OPCML: variants seen among roughly 807,000 people sequenced by gnomAD.
The protein encoded by OPCML is opioid-binding protein/cell adhesion molecule.
Under a neutral mutation model 37.8 loss-of-function variants are expected in OPCML, and 13 were observed. That is an observed-to-expected ratio of 0.34 (90% confidence interval 0.22 to 0.55). OPCML has a LOEUF of 0.55. OPCML is among the 20% of genes least tolerant of loss of function. The pLI is 0.91. For synonymous variants in OPCML, 176 were observed against 168.8 expected, an observed-to-expected ratio of 1.04 and a Z score of -0.33; for missense variants, 341 against 435.6, an observed-to-expected ratio of 0.78 and a Z score of 1.93.
At chr11:133,034,296 T>C (rs1285768824) in intron 1 of OPCML, among the ~76,000 whole-genome samples, 1 of 130,032 alleles carries the variant, frequency 7.7e-6, no homozygotes, top group Non-Finnish European at 1.6e-5. Flanking sequence ...GAAGAGTAGC[T>C]CTGTATGTAT....
intron 3 of OPCML, among the ~76,000 whole-genome samples, chr11:132,570,804 T>TAGAGAGAGAGAGAGAGAGAGAGAGAGAG (rs1203341702): frequency 5.5e-5 from 5 of 90,758 alleles, no homozygotes; most frequent in African/African-American, 1.5e-4. Context: ...TATATATATT[T>TAGAGAGAGAGAGAGAGAGAGAGAGAGAG]AGAGAGAGAG....
intron 1 of OPCML, among the ~76,000 whole-genome samples, chr11:133,060,555 C>A (rs1948322730): frequency 1.3e-5 from 2 of 152,188 alleles, no homozygotes; most frequent in East Asian, 1.9e-4. Flanking sequence ...TAGGTGCAGG[C>A]AGGGTGTGGA....
intron 1 of OPCML, among the ~76,000 whole-genome samples, chr11:133,239,659 C>T (rs115198774): frequency 5.9e-5 from 9 of 152,318 alleles, no homozygotes; most frequent in East Asian, 1.9e-4. Context: ...AGCCATGGCG[C>T]GGTGTGACAT....
chr11:132,596,799 G>A (rs985297652), intron 3 of OPCML, among the ~76,000 whole-genome samples: 15 of 152,172 alleles, frequency 9.9e-5, no homozygotes, highest in African/African-American at 3.6e-4. Context: ...AGAGCAAAAT[G>A]GAGCCACAGG....
chr11:133,117,593 C>G (rs1213692998), intron 1 of OPCML, among the ~76,000 whole-genome samples: 1 of 152,088 alleles, frequency 6.6e-6, no homozygotes, highest in African/African-American at 2.4e-5. Context: ...AAGTATTTAC[C>G]TAGCTGAATT....
intron 7 of OPCML, among the ~76,000 whole-genome samples, chr11:132,423,219 A>G (rs2095966168): frequency 6.6e-6 from 1 of 152,164 alleles, no homozygotes; most frequent in Non-Finnish European, 1.5e-5. Context: ...CCCATTTTCT[A>G]TGTGGCTTCA....
At chr11:133,110,192 T>C (rs1174147313) in intron 1 of OPCML, among the ~76,000 whole-genome samples, 1 of 152,164 alleles carries the variant, frequency 6.6e-6, no homozygotes, top group African/African-American at 2.4e-5. Context: ...TCAAAAGACA[T>C]GGATAAAATA....
At chr11:133,449,653 C>A (rs1946540116) in intron 1 of OPCML, among the ~76,000 whole-genome samples, 1 of 148,544 alleles carries the variant, frequency 6.7e-6, no homozygotes, top group Admixed American at 6.6e-5. Context: ...CAGTCTCTAT[C>A]TTCATCTTCA....
At chr11:133,242,315 G>T (rs981365445) in intron 1 of OPCML, among the ~76,000 whole-genome samples, 1 of 152,170 alleles carries the variant, frequency 6.6e-6, no homozygotes, top group Admixed American at 6.5e-5. Context: ...AAGTGTCTTT[G>T]GTGTGGTTTT....
chr11:133,528,041 T>A (rs995774061), intron 1 of OPCML, among the ~76,000 whole-genome samples: 1 of 152,188 alleles, frequency 6.6e-6, no homozygotes, highest in African/African-American at 2.4e-5. Context: ...TTCTGTAATT[T>A]TCTAGGTTAC....
At chr11:132,686,505 T>G in intron 2 of OPCML, among the ~76,000 whole-genome samples, 1 of 152,174 alleles carries the variant, frequency 6.6e-6, no homozygotes, top group Non-Finnish European at 1.5e-5. Flanking sequence ...TCAAATCCCT[T>G]CTTCTCATGT....
chr11:132,908,282 T>C (rs1944311194), intron 2 of OPCML, among the ~76,000 whole-genome samples: 2 of 145,540 alleles, frequency 1.4e-5, no homozygotes, highest in Non-Finnish European at 3.0e-5. Context: ...ATAAGGTCTC[T>C]CTCTCTCACA....
chr11:132,872,564 A>G (rs1433523746), intron 2 of OPCML, among the ~76,000 whole-genome samples: 1 of 152,164 alleles, frequency 6.6e-6, no homozygotes, highest in Non-Finnish European at 1.5e-5. Context: ...TACGGAACCC[A>G]TGAGGCAGCC....
At chr11:132,460,939 T>C (rs533062641) in intron 4 of OPCML, among the ~76,000 whole-genome samples, 16 of 152,310 alleles carry the variant, frequency 1.1e-4, no homozygotes, top group African/African-American at 3.6e-4. Flanking sequence ...TTTCATATGA[T>C]GGATAAACAA....
chr11:133,289,697 T>C (rs2136534641), intron 1 of OPCML, among the ~76,000 whole-genome samples: 1 of 152,282 alleles, frequency 6.6e-6, no homozygotes, highest in East Asian at 1.9e-4. Context: ...TTATTCACTG[T>C]TAAGGAAAAG....
At chr11:133,135,959 G>A (rs1949683232) in intron 1 of OPCML, among the ~76,000 whole-genome samples, 1 of 152,096 alleles carries the variant, frequency 6.6e-6, no homozygotes, top group Non-Finnish European at 1.5e-5. Context: ...ACTCCACTGT[G>A]GGACAAAAAA....
rs543773703 is a variant in OPCML, at chr11:132,971,163, A to C, written c.62-28153T>G. On this transcript the variant is annotated intron_variant, in intron 1 of 7. Transcript: ENST00000524381. ...AAACAACATCTTTCAAAATTCCTCT[A>C]GCTGAGGGCTCTGACAAGATTGATG... is the stretch of plus-strand genomic sequence containing the variant. 4.6e-5 allele frequency among the ~76,000 whole-genome samples: 7 copies of C among 152,250 alleles called. No homozygotes were observed. In the South Asian group the frequency reaches 1.2e-3, roughly 27 times the overall value.
At chr11:132,546,632 T>C (rs2096369319) in intron 3 of OPCML, among the ~76,000 whole-genome samples, 1 of 152,222 alleles carries the variant, frequency 6.6e-6, no homozygotes, top group African/African-American at 2.4e-5. Context: ...GCCAGGTCTG[T>C]TTCCTGGCTC....
chr11:132,790,253 C>T (rs1218817708), intron 2 of OPCML, among the ~76,000 whole-genome samples: 3 of 152,070 alleles, frequency 2.0e-5, no homozygotes, highest in South Asian at 2.1e-4. Context: ...TTAATGGGTA[C>T]GAGCTTACAG....
Sources: gnomAD v4.1 joint callset for allele counts (sites outside exome capture counted in the v4.1 genomes callset) on GRCh38, gnomAD v4.1.1 for gene constraint, MANE v1.5 for transcripts, NCBI Gene and HGNC (gene_info 2026-07-23, HGNC 2026-07-21) for gene names.